The following SLC25A21 variants were observed in gnomAD, a reference collection of about 807,000 sequenced individuals.
SLC25A21 encodes the protein solute carrier family 25 member 21.
In SLC25A21, 47 loss-of-function variants were observed where a neutral mutation model predicts 43.8. That is an observed-to-expected ratio of 1.07 (90% CI 0.85 to 1.37). The LOEUF is 1.37. SLC25A21 is among the 40% of genes most tolerant of loss of function. SLC25A21 has a pLI of 0.00. For missense variants in SLC25A21, 352 were observed against 350.2 expected, an observed-to-expected ratio of 1.00 and a Z score of -0.04; for synonymous variants, 131 against 121.3, an observed-to-expected ratio of 1.08 and a Z score of -0.52.
intron 1 of SLC25A21, among the ~76,000 whole-genome samples, chr14:37,064,924 G>A: frequency 6.6e-6 from 1 of 152,136 alleles, no homozygotes; most frequent in East Asian, 1.9e-4. Context: ...ACACACATCT[G>A]TTAAGGGCCT....
At chr14:37,009,835 A>C (rs925276778) in intron 1 of SLC25A21, among the ~76,000 whole-genome samples, 23 of 152,290 alleles carry the variant, frequency 1.5e-4, no homozygotes, top group African/African-American at 4.8e-4. Flanking sequence ...ATCAACTATA[A>C]ATTCTCATTA....
chr14:37,095,801 TACAC>T (rs886676547), intron 1 of SLC25A21, among the ~76,000 whole-genome samples: 4 of 104,188 alleles, frequency 3.8e-5, no homozygotes, highest in African/African-American at 1.4e-4. Context: ...TATATTTATA[TACAC>T]ACACACGCGC....
chr14:36,825,184 A>G (rs1407925875), intron 2 of SLC25A21, among the ~76,000 whole-genome samples: 1 of 152,216 alleles, frequency 6.6e-6, no homozygotes, highest in Non-Finnish European at 1.5e-5. Flanking sequence ...TTAAGTGCGT[A>G]CTGAATGCCT....
At chr14:36,972,039 T>C (rs1594728357) in intron 1 of SLC25A21, among the ~76,000 whole-genome samples, 1 of 152,228 alleles carries the variant, frequency 6.6e-6, no homozygotes, top group South Asian at 2.1e-4. Flanking sequence ...TGGCAGATTA[T>C]ATGTATGATA....
At chr14:37,015,373 A>G (rs375338215) in intron 1 of SLC25A21, among the ~76,000 whole-genome samples, 21 of 151,724 alleles carry the variant, frequency 1.4e-4, no homozygotes, top group African/African-American at 5.1e-4. Context: ...ACATGAACTC[A>G]TCATTTTTTA....
intron 1 of SLC25A21, among the ~76,000 whole-genome samples, chr14:36,993,509 C>T (rs1428516806): frequency 1.3e-5 from 2 of 152,090 alleles, no homozygotes; most frequent in Non-Finnish European, 2.9e-5. Flanking sequence ...CACAGGTGGT[C>T]CACACTTTTT....
intron 1 of SLC25A21, among the ~76,000 whole-genome samples, chr14:37,009,445 C>T (rs1960682279): frequency 6.6e-6 from 1 of 151,992 alleles, no homozygotes; most frequent in Admixed American, 6.6e-5. Flanking sequence ...GAGATCATGC[C>T]ACTGCACTCC....
At chr14:36,714,684 C>T (rs930968515) in intron 6 of SLC25A21, among the ~76,000 whole-genome samples, 1 of 152,220 alleles carries the variant, frequency 6.6e-6, no homozygotes, top group African/African-American at 2.4e-5. Flanking sequence ...TGCTCAACAC[C>T]TTTAGCCATT....
intron 1 of SLC25A21, among the ~76,000 whole-genome samples, chr14:37,011,650 A>G (rs1256588931): frequency 1.3e-5 from 2 of 152,262 alleles, no homozygotes; most frequent in East Asian, 3.9e-4. Flanking sequence ...TACCACCATC[A>G]TTATCTCAGC....
rs146607463 is a variant in SLC25A21, at chr14:37,103,805, C to T, written c.70+68476G>A. ...ACAGACAACATCCAGTCACTTCTAC[C>T]TGCTTCTCAGGATGAGCTTGGTACT... is the stretch of plus-strand genomic sequence containing the variant. On this transcript the variant is annotated intron_variant, in intron 1 of 9. Transcript: ENST00000331299. Among the ~76,000 whole-genome samples the T allele has an allele frequency of 2.6e-3, 389 of 152,332 alleles. 2 individuals carry two copies. Among genetic ancestry groups the T allele is most frequent in the African/African-American group, 8.7e-3 (363 of 41,572 alleles).
At chr14:37,141,634 T>C (rs1454205758) in intron 1 of SLC25A21, among the ~76,000 whole-genome samples, 1 of 152,232 alleles carries the variant, frequency 6.6e-6, no homozygotes, top group African/African-American at 2.4e-5. Context: ...TCCTAGTAGA[T>C]TTACTTTACT....
At chr14:36,964,805 G>A (rs1280758318) in intron 1 of SLC25A21, among the ~76,000 whole-genome samples, 3 of 152,102 alleles carry the variant, frequency 2.0e-5, no homozygotes, top group East Asian at 1.9e-4. Flanking sequence ...CAACATGAAC[G>A]CATCTATTCA....
chr14:36,770,416 A>G (rs1054304600), intron 3 of SLC25A21, among the ~76,000 whole-genome samples: 3 of 152,146 alleles, frequency 2.0e-5, no homozygotes, highest in Non-Finnish European at 4.4e-5. Context: ...ACTGTTGGAT[A>G]ATATGCTCAC....
chr14:36,853,826 A>C (rs1403622004), intron 2 of SLC25A21, among the ~76,000 whole-genome samples: 2 of 152,076 alleles, frequency 1.3e-5, no homozygotes, highest in Non-Finnish European at 2.9e-5. Flanking sequence ...CCTCCAACAA[A>C]CACTGCTGCA....
At chr14:37,163,401 A>G (rs1963982205) in intron 1 of SLC25A21, among the ~76,000 whole-genome samples, 1 of 152,100 alleles carries the variant, frequency 6.6e-6, no homozygotes, top group South Asian at 2.1e-4. Context: ...AGGACTACAG[A>G]TAATAATGAA....
intron 1 of SLC25A21, among the ~76,000 whole-genome samples, chr14:37,153,347 A>C (rs1955764): frequency 0.96 from 145,940 of 152,290 alleles, 70,258 homozygotes; most frequent in East Asian, 1. Flanking sequence ...TGCTGGAATG[A>C]GGAGTAAGAT....
chr14:36,837,455 C>G (rs183290230), intron 2 of SLC25A21, among the ~76,000 whole-genome samples: 1 of 152,120 alleles, frequency 6.6e-6, no homozygotes, highest in East Asian at 1.9e-4. Flanking sequence ...GTCGCTTTGC[C>G]AATACAGAGC....
At chr14:36,705,385 G>C (rs905922426) in intron 7 of SLC25A21, among the ~76,000 whole-genome samples, 1 of 152,082 alleles carries the variant, frequency 6.6e-6, no homozygotes, top group Non-Finnish European at 1.5e-5. Context: ...CGCAAACATA[G>C]CCTTAGAATT....
intron 1 of SLC25A21, among the ~76,000 whole-genome samples, chr14:37,139,174 A>G (rs888260974): frequency 3.3e-5 from 5 of 152,138 alleles, no homozygotes; most frequent in African/African-American, 1.2e-4. Context: ...TCCAAATGTA[A>G]CATTACTTTA....
Sources: gnomAD v4.1 joint callset for allele counts (sites outside exome capture counted in the v4.1 genomes callset) on GRCh38, gnomAD v4.1.1 for gene constraint, MANE v1.5 for transcripts, NCBI Gene and HGNC (gene_info 2026-07-23, HGNC 2026-07-21) for gene names.